The following PARD3B variants were observed in gnomAD, a reference collection of about 807,000 sequenced individuals.
The protein encoded by PARD3B is par-3 family cell polarity regulator beta, also known as partitioning defective 3 homolog B.
Under a neutral mutation model 130.2 loss-of-function variants are expected in PARD3B, and 103 were observed. That is an observed-to-expected ratio of 0.79 (90% CI 0.67 to 0.93). The LOEUF (loss-of-function observed/expected upper bound fraction) is 0.93. Ranked by LOEUF, PARD3B falls within the 40% of genes least tolerant of loss-of-function variation. The probability of loss-of-function intolerance (pLI) is 0.00; values close to 1 mark genes in which losing one functional copy is unlikely to be tolerated. For missense variants in PARD3B, 1,609 were observed against 1,499.2 expected (o/e 1.07, Z -1.21); for synonymous variants, 583 against 553.2 (o/e 1.05, Z -0.76).
rs145551706 is a variant in PARD3B, at chr2:205,038,334, T to C, written c.395-9247T>C. Reference sequence around the variant, plus strand: ...TCAGTTAGTACTTTACTTGTTTTTTTAGAGTGTATGCCTTTCAAAGACCTG... The same window carrying C: ...TCAGTTAGTACTTTACTTGTTTTTTCAGAGTGTATGCCTTTCAAAGACCTG... On this transcript the variant is annotated intron_variant, in intron 3 of 22. Transcript: ENST00000406610. Among the ~76,000 whole-genome samples the C allele has an allele frequency of 3.3e-5, 5 of 152,300 alleles. No individual in the cohort carries two copies. In the East Asian group the frequency reaches 5.8e-4, roughly 18 times the overall value.
At chr2:204,850,723 T>C (rs1206553176) in intron 2 of PARD3B, among the ~76,000 whole-genome samples, 1 of 152,210 alleles carries the variant, frequency 6.6e-6, no homozygotes, top group Non-Finnish European at 1.5e-5. Context: ...GAGCAGGCAC[T>C]GACCAAATGC....
intron 2 of PARD3B, among the ~76,000 whole-genome samples, chr2:204,851,327 A>T (rs2044698897): frequency 6.6e-6 from 1 of 152,152 alleles, no homozygotes; most frequent in Non-Finnish European, 1.5e-5. Context: ...AGCAGTAATC[A>T]TCTCCTCCTC....
chr2:204,925,088 ATCTC>A (rs1687499231), intron 2 of PARD3B, among the ~76,000 whole-genome samples: 1 of 152,104 alleles, frequency 6.6e-6, no homozygotes, highest in Non-Finnish European at 1.5e-5. Flanking sequence ...ATATATGTGT[ATCTC>A]TCTGTCCCTG....
chr2:204,825,113 T>C (rs531102435), intron 2 of PARD3B, among the ~76,000 whole-genome samples: 1 of 152,374 alleles, frequency 6.6e-6, no homozygotes, highest in South Asian at 2.1e-4. Context: ...TGTTCTGAGC[T>C]GATTATTGCA....
intron 16 of PARD3B, among the ~76,000 whole-genome samples, chr2:205,273,417 C>T (rs1191480261): frequency 2.6e-5 from 4 of 152,186 alleles, no homozygotes; most frequent in South Asian, 2.1e-4. Context: ...AGCAGAAGCA[C>T]GTGTGAGTTT....
chr2:205,119,521 C>A (rs979565577), intron 7 of PARD3B, among the ~76,000 whole-genome samples: 12 of 152,022 alleles, frequency 7.9e-5, no homozygotes, highest in South Asian at 2.1e-4. Context: ...GTGGTTCATG[C>A]CTGTAATCCC....
At chr2:204,560,656 G>A (rs191716357) in intron 1 of PARD3B, among the ~76,000 whole-genome samples, 1 of 152,132 alleles carries the variant, frequency 6.6e-6, no homozygotes, top group South Asian at 2.1e-4. Context: ...GGGGAGAAGA[G>A]GATAGAATTG....
At chr2:205,114,834 C>T (rs1703915335) in intron 6 of PARD3B, among the ~76,000 whole-genome samples, 1 of 151,462 alleles carries the variant, frequency 6.6e-6, no homozygotes, top group South Asian at 2.1e-4. Flanking sequence ...AACCAAAAAG[C>T]TAGCAACTCT....
At chr2:205,087,768 A>G (rs1701830218) in intron 4 of PARD3B, among the ~76,000 whole-genome samples, 1 of 152,208 alleles carries the variant, frequency 6.6e-6, no homozygotes, top group African/African-American at 2.4e-5. Context: ...GGCATTTCAA[A>G]TGGCAAAATT....
rs547239041 is a variant in PARD3B at position 205,476,364 on chromosome 2, A to T, written c.3045-23532A>T. 3.3e-5 allele frequency among the ~76,000 whole-genome samples: 5 copies of T among 152,076 alleles called. 1 individual carries two copies. In the South Asian group the frequency reaches 1.0e-3, roughly 32 times the overall value. ...GTTTCCTTTTTTTCATTTTTTTCTT[A>T]AAAGAATCACCGGTGAAAAGCCACA... On this transcript the variant is annotated intron_variant, in intron 20 of 22. Coordinates refer to ENST00000406610, the MANE Select transcript of PARD3B (RefSeq NM_001302769.2).
chr2:205,189,423 A>G (rs914228029), intron 14 of PARD3B, among the ~76,000 whole-genome samples: 1 of 152,198 alleles, frequency 6.6e-6, no homozygotes, highest in Non-Finnish European at 1.5e-5. Context: ...AGGCAGCATA[A>G]TTTGACGTTG....
chr2:205,062,232 G>A (rs1408327751), intron 4 of PARD3B, among the ~76,000 whole-genome samples: 1 of 152,032 alleles, frequency 6.6e-6, no homozygotes, highest in Non-Finnish European at 1.5e-5. Context: ...TATTTTTAAA[G>A]CAATGTATGA....
At chr2:205,498,273 G>A (rs180757004) in intron 20 of PARD3B, among the ~76,000 whole-genome samples, 106 of 151,034 alleles carry the variant, frequency 7.0e-4, no homozygotes, top group African/African-American at 2.4e-3. Context: ...AGGCCGAGGC[G>A]AGTGGATCAC....
intron 15 of PARD3B, among the ~76,000 whole-genome samples, chr2:205,228,616 A>G (rs1482337162): frequency 6.6e-6 from 1 of 152,014 alleles, no homozygotes; most frequent in African/African-American, 2.4e-5. Flanking sequence ...TTGGTGTTCT[A>G]TATCTTTCTC....
Position 204,791,029 on chromosome 2 carries a change from C to T in PARD3B, c.222+104747C>T, listed in dbSNP as rs968023311. Among the ~76,000 whole-genome samples the T allele has an allele frequency of 5.1e-4, 77 of 151,944 alleles. 5 individuals are homozygous for T. The highest frequency in any genetic ancestry group is 7.3e-5 in the African/African-American group (3 of 41,366). The stretch of plus-strand genomic sequence containing the variant: ...CTGAGGCAGGAGAATCACTTGAACC[C>T]GGGAAGCAGAGGTTGCTGTGAGCCA... On this transcript the variant is annotated intron_variant, in intron 2 of 22. Coordinates refer to ENST00000406610, the MANE Select transcript of PARD3B (RefSeq NM_001302769.2).
chr2:205,254,749 C>T (rs567740012), intron 16 of PARD3B, among the ~76,000 whole-genome samples: 93 of 151,116 alleles, frequency 6.2e-4, no homozygotes, highest in African/African-American at 1.7e-3. Flanking sequence ...CTGCAGGCTC[C>T]GCCCCCCGGG....
At chr2:205,453,976 C>T (rs1241547101) in intron 20 of PARD3B, among the ~76,000 whole-genome samples, 8 of 152,104 alleles carry the variant, frequency 5.3e-5, no homozygotes, top group Non-Finnish European at 1.2e-4. Context: ...CCAGATATTT[C>T]TCCCTTCCTC....
intron 1 of PARD3B, among the ~76,000 whole-genome samples, chr2:204,622,305 G>A (rs573105842): frequency 2.0e-4 from 30 of 152,088 alleles, no homozygotes; most frequent in Non-Finnish European, 4.1e-4. Flanking sequence ...CTTCCACAAA[G>A]CCCAACATCA....
At chr2:204,858,006 A>G (rs2045024489) in intron 2 of PARD3B, among the ~76,000 whole-genome samples, 1 of 152,138 alleles carries the variant, frequency 6.6e-6, no homozygotes, top group South Asian at 2.1e-4. Context: ...TTCAAACGGT[A>G]CTTCAATGGA....
Sources: allele counts gnomAD v4.1 joint callset (sites outside exome capture counted in the v4.1 genomes callset), GRCh38; gene constraint gnomAD v4.1.1; transcripts MANE v1.5; gene names NCBI Gene and HGNC (gene_info 2026-07-23, HGNC 2026-07-21).